PCDHGA10: variants seen among roughly 807,000 people sequenced by gnomAD.
PCDHGA10 encodes protocadherin gamma subfamily A, 10.
In PCDHGA10, 42 loss-of-function variants were observed where a neutral mutation model predicts 59.5. That is an observed-to-expected ratio of 0.71 (90% CI 0.55 to 0.91). PCDHGA10 has a LOEUF of 0.91. Ranked by LOEUF, PCDHGA10 falls within the 40% of genes least tolerant of loss-of-function variation. The probability of loss-of-function intolerance (pLI) is 0.00; values close to 1 mark genes in which losing one functional copy is unlikely to be tolerated. For synonymous variants in PCDHGA10, 511 were observed against 517.2 expected (o/e 0.99, Z 0.16); for missense variants, 1,111 against 1,198.2 (o/e 0.93, Z 1.07).
intron 1 of PCDHGA10, among the ~76,000 whole-genome samples, chr5:141,439,537 C>T (rs1404605731): frequency 6.6e-6 from 1 of 152,206 alleles, no homozygotes; most frequent in African/African-American, 2.4e-5. Flanking sequence ...GAACGCTGTC[C>T]TCTCATTTCT....
intron 1 of PCDHGA10, among the ~76,000 whole-genome samples, chr5:141,455,603 C>T (rs1433078116): frequency 3.3e-5 from 5 of 152,190 alleles, no homozygotes; most frequent in Admixed American, 2.6e-4. Context: ...CGTAGGGCGC[C>T]ATGGATGTTC....
rs1403789987 is a variant in PCDHGA10 at position 141,511,845 on chromosome 5, T to C, written c.*672T>C. The C allele has an allele frequency of 6.4e-6, 1 of 156,740 alleles. No individual in the cohort carries two copies. The highest frequency in any genetic ancestry group is 1.4e-5 in the Non-Finnish European group (1 of 70,694). 9.7% of individuals were successfully genotyped at this position (156,740 alleles called of 1,614,324 possible). A position where few individuals can be genotyped will look rare whatever the true frequency, so the allele number is the denominator to read the frequency against. On this transcript the variant is annotated 3_prime_UTR_variant, in exon 4 of 4. Transcript: ENST00000398610. ...AACGCCCTGGGGACCAGTCTTCTGT[T>C]TTGTTTTTCATTGTTTGACGTTTCC...
Position 141,431,804 on chromosome 5 carries a change from C to G in PCDHGA10, c.2436+16193C>G. On this transcript the variant is annotated intron_variant, in intron 1 of 3. Transcript: ENST00000398610. This position sits in a 1 kb window ranked among gnomAD's most constrained non-coding sequence, Gnocchi z 4.8. Reference sequence around the variant, plus strand: ...GAACGACAATGCCCCAGAAGTGGTCCTCACCTCTCTCGCCAGCTCGGTTCC... The same window carrying G: ...GAACGACAATGCCCCAGAAGTGGTCGTCACCTCTCTCGCCAGCTCGGTTCC... 6.2e-7 allele frequency: 1 copy of G among 1,614,232 alleles called. No homozygotes were observed. The highest frequency in any genetic ancestry group is 1.3e-5 in the African/African-American group (1 of 75,056).
intron 1 of PCDHGA10, among the ~76,000 whole-genome samples, chr5:141,450,304 T>C (rs759506660): frequency 1.3e-5 from 2 of 151,906 alleles, no homozygotes; most frequent in African/African-American, 2.4e-5. Flanking sequence ...TGAGCCACCA[T>C]GTGTGGCCTA....
Position 141,431,473 on chromosome 5 carries a change from C to A in PCDHGA10, c.2436+15862C>A, listed in dbSNP as rs750300971. 16 of 1,613,714 alleles carry A rather than the reference C, an allele frequency of 9.9e-6. 1 individual carries two copies. The highest frequency in any genetic ancestry group is 9.3e-5 in the African/African-American group (7 of 74,948). On this transcript the variant is annotated intron_variant, in intron 1 of 3. Transcript: ENST00000398610. This position sits in a 1 kb window ranked among gnomAD's most constrained non-coding sequence, Gnocchi z 4.8. Reference sequence around the variant, plus strand: ...TGATGGTTCTGGATGCGAACGACAACGCACCAGCGTTTGCTCAGCCCGAGT... The same window carrying A: ...TGATGGTTCTGGATGCGAACGACAAAGCACCAGCGTTTGCTCAGCCCGAGT...
Position 141,490,854 on chromosome 5 carries a change from C to T in PCDHGA10, c.2437-3953C>T. On this transcript the variant is annotated intron_variant, in intron 1 of 3. Transcript: ENST00000398610. The surrounding 1 kb of genome is among the most constrained non-coding windows in gnomAD (Gnocchi z 5.4). The stretch of plus-strand genomic sequence containing the variant: ...TGCAGATTGTGGTGGGGGTTCGAGA[C>T]TCCGGCTCTCCCCCATTGCATGCCA... 6.2e-7 allele frequency: 1 copy of T among 1,613,900 alleles called. No homozygotes were observed. The highest frequency in any genetic ancestry group is 8.5e-7 in the Non-Finnish European group (1 of 1,179,914).
intron 1 of PCDHGA10, among the ~76,000 whole-genome samples, chr5:141,457,543 A>G (rs555448211): frequency 2.6e-5 from 4 of 152,346 alleles, no homozygotes; most frequent in African/African-American, 9.6e-5. Flanking sequence ...TTAATGACAA[A>G]TGTATGATAA....
chr5:141,428,454 C>A, intron 1 of PCDHGA10: 1 of 365,394 alleles, frequency 2.7e-6, no homozygotes, highest in Non-Finnish European at 5.2e-6. Context: ...TTTTTCCCAA[C>A]TACAATGAGG....
intron 1 of PCDHGA10, among the ~76,000 whole-genome samples, chr5:141,481,693 C>T (rs755007426): frequency 1.8e-4 from 27 of 152,020 alleles, no homozygotes; most frequent in Admixed American, 7.9e-4. Context: ...GTGGCTCACG[C>T]CTGTAATCCC....
intron 2 of PCDHGA10, among the ~76,000 whole-genome samples, chr5:141,502,024 C>T (rs2099812413): frequency 2.0e-5 from 3 of 152,152 alleles, no homozygotes; most frequent in Admixed American, 1.3e-4. Context: ...TCCCTGCAAC[C>T]CCCGCCGCTT....
At chr5:141,492,163 C>T (rs921256341) in intron 1 of PCDHGA10, among the ~76,000 whole-genome samples, 22 of 152,232 alleles carry the variant, frequency 1.4e-4, no homozygotes, top group African/African-American at 5.3e-4. Context: ...CCTCCCTATC[C>T]CCGCATCACC....
intron 3 of PCDHGA10, among the ~76,000 whole-genome samples, chr5:141,506,473 G>A (rs976701500): frequency 2.7e-4 from 40 of 150,506 alleles, no homozygotes; most frequent in Admixed American, 1.5e-3. Flanking sequence ...AAAGAGCACA[G>A]GCTTTAGAGG....
At chr5:141,462,497 T>C (rs1333421053) in intron 1 of PCDHGA10, among the ~76,000 whole-genome samples, 1 of 152,244 alleles carries the variant, frequency 6.6e-6, no homozygotes, top group Non-Finnish European at 1.5e-5. Flanking sequence ...TATCCTATAA[T>C]TGTCAACTAG....
rs558972594 is a variant in PCDHGA10 at position 141,485,292 on chromosome 5, A to G, written c.2437-9515A>G. ...CGCTACCCGGTCCCAGAGGAGTCAC[A>G]GGAAGGGACTTTTGTAGGGAATGTC... On this transcript the variant is annotated intron_variant, in intron 1 of 3. Coordinates refer to ENST00000398610, the MANE Select transcript of PCDHGA10 (RefSeq NM_018913.3). The surrounding 1 kb of genome is among the most constrained non-coding windows in gnomAD (Gnocchi z 5.7). 1 of 1,614,120 alleles carries G rather than the reference A, an allele frequency of 6.2e-7. No individual in the cohort carries two copies. Among genetic ancestry groups the G allele is most frequent in the African/African-American group, 1.3e-5 (1 of 75,058 alleles).
intron 1 of PCDHGA10, chr5:141,423,755 G>A (rs1236551808): frequency 2.5e-5 from 13 of 512,416 alleles, no homozygotes; most frequent in Non-Finnish European, 3.4e-5. Context: ...CTGTTTGGGG[G>A]GGGGGTGGGG....
chr5:141,493,206 C>A lies in PCDHGA10; in HGVS notation c.2437-1601C>A, dbSNP rs191090598. Among the ~76,000 whole-genome samples the A allele has an allele frequency of 2.4e-3, 368 of 152,322 alleles. 2 individuals carry two copies. Among genetic ancestry groups the A allele is most frequent in the Admixed American group, 4.5e-3 (69 of 15,296 alleles). On this transcript the variant is annotated intron_variant, in intron 1 of 3. Transcript: ENST00000398610. This position sits in a 1 kb window ranked among gnomAD's most constrained non-coding sequence, Gnocchi z 4.3. ...TATAACTCCTTTGAGAACCTCATCT[C>A]ATTTGCTCTTCCCACCATTGCTGTT...
chr5:141,504,496 G>C (rs2099838771), intron 2 of PCDHGA10, among the ~76,000 whole-genome samples: 1 of 152,100 alleles, frequency 6.6e-6, no homozygotes, highest in Non-Finnish European at 1.5e-5. Flanking sequence ...CACCTGCCCA[G>C]TCTGAGTGGA....
Position 141,415,506 on chromosome 5 carries a change from C to G in PCDHGA10, c.2331C>G (p.Pro777=). Residue 777 remains proline, a synonymous_variant, in exon 1 of 4, where the codon CCC becomes CCG. Transcript: ENST00000398610. ...SRKSHLIFPQ[P]NYADTLISQE... The stretch of plus-strand genomic sequence containing the variant: ...AGAGTCACCTGATCTTCCCCCAGCC[C>G]AATTATGCGGACACGCTCATCAGCC... 6.2e-7 allele frequency: 1 copy of G among 1,614,148 alleles called. No homozygotes were observed. Among genetic ancestry groups the G allele is most frequent in the Non-Finnish European group, 8.5e-7 (1 of 1,180,020 alleles).
chr5:141,443,656 A>T (rs139300845), intron 1 of PCDHGA10, among the ~76,000 whole-genome samples: 1 of 152,256 alleles, frequency 6.6e-6, no homozygotes, highest in African/African-American at 2.4e-5. Flanking sequence ...TTAGCATAGC[A>T]TTTTACTGAA....
Sources: gnomAD v4.1 joint callset for allele counts (sites outside exome capture counted in the v4.1 genomes callset) on GRCh38, gnomAD v4.1.1 for gene constraint, Gnocchi (gnomAD v3.1) non-coding constraint, MANE v1.5 for transcripts, NCBI Gene and HGNC (gene_info 2026-07-23, HGNC 2026-07-21) for gene names.